Variants in PCDH15 observed in about 807,000 individuals in gnomAD.
PCDH15 encodes protocadherin-15.
In PCDH15, 129 loss-of-function variants were observed where a neutral mutation model predicts 178.5. The ratio of observed to expected loss-of-function variants is 0.72; its 90% CI spans 0.63 to 0.84. The LOEUF is 0.84. Ranked by LOEUF, PCDH15 falls within the 40% of genes least tolerant of loss-of-function variation. The pLI is 0.00. For synonymous variants in PCDH15, 800 were observed against 732.0 expected (o/e 1.09, Z -1.50); for missense variants, 2,230 against 2,099.9 (o/e 1.06, Z -1.21).
intron 2 of PCDH15, among the ~76,000 whole-genome samples, chr10:55,470,344 T>C (rs1361997704): frequency 1.3e-5 from 2 of 149,802 alleles, no homozygotes; most frequent in South Asian, 4.2e-4. Flanking sequence ...AGAATCCCTC[T>C]CAAAAAAGAA....
At chr10:55,084,786 AAAG>A (rs1362142697) in intron 2 of PCDH15, among the ~76,000 whole-genome samples, 1 of 152,122 alleles carries the variant, frequency 6.6e-6, no homozygotes, top group African/African-American at 2.4e-5. Context: ...ATATTTCTCA[AAAG>A]AAGACATACA....
At chr10:55,625,510 A>T (rs1221662504) in intron 2 of PCDH15, among the ~76,000 whole-genome samples, 1 of 152,158 alleles carries the variant, frequency 6.6e-6, no homozygotes, top group African/African-American at 2.4e-5. Context: ...CTCTTGAAAC[A>T]GTATCTTGTG....
intron 2 of PCDH15, chr10:54,528,517 T>G: frequency 1.4e-6 from 1 of 735,998 alleles, no homozygotes; most frequent in Non-Finnish European, 2.1e-6. Context: ...TAAAAAGCAT[T>G]ATACAATAAC....
At chr10:55,190,673 T>C (rs983408952) in intron 1 of PCDH15, among the ~76,000 whole-genome samples, 1 of 151,644 alleles carries the variant, frequency 6.6e-6, no homozygotes, top group Non-Finnish European at 1.5e-5. Flanking sequence ...CAACTGCACA[T>C]CAATAAAATA....
chr10:55,304,322 C>T (rs1843362971), intron 1 of PCDH15, among the ~76,000 whole-genome samples: 1 of 152,106 alleles, frequency 6.6e-6, no homozygotes, highest in Non-Finnish European at 1.5e-5. Flanking sequence ...TTATCACCTT[C>T]TCCAGAACAC....
chr10:53,994,242 CT>C, intron 21 of PCDH15, among the ~76,000 whole-genome samples: 1 of 152,298 alleles, frequency 6.6e-6, no homozygotes, highest in African/African-American at 2.4e-5. Context: ...ACTTTCAGGT[CT>C]GTCCCATGTA....
intron 2 of PCDH15, among the ~76,000 whole-genome samples, chr10:55,334,300 A>T: frequency 8.1e-6 from 1 of 123,020 alleles, no homozygotes; most frequent in African/African-American, 3.5e-5. Context: ...GTATATATCT[A>T]TATATATATA....
At chr10:54,375,880 A>AT (rs1948342499) in intron 4 of PCDH15, among the ~76,000 whole-genome samples, 19 of 129,600 alleles carry the variant, frequency 1.5e-4, no homozygotes, top group African/African-American at 5.8e-4. Flanking sequence ...TTTGAAACGG[A>AT]ATATATATAT....
intron 21 of PCDH15, among the ~76,000 whole-genome samples, chr10:53,977,496 G>A (rs2090282270): frequency 6.6e-6 from 1 of 152,168 alleles, no homozygotes; most frequent in Non-Finnish European, 1.5e-5. Flanking sequence ...TGTGTATCAT[G>A]AGCTGCCAAG....
intron 3 of PCDH15, among the ~76,000 whole-genome samples, chr10:54,523,927 G>T (rs1279861121): frequency 6.6e-6 from 1 of 152,150 alleles, no homozygotes; most frequent in Admixed American, 6.5e-5. Context: ...ACAGGGAATG[G>T]TAAAATCTAA....
chr10:54,378,735 A>C, intron 4 of PCDH15, 47 bp downstream of exon 4: 1 of 1,579,654 alleles, frequency 6.3e-7, no homozygotes, highest in Non-Finnish European at 8.7e-7. Flanking sequence ...AGACATTTAA[A>C]TTATAATAAA....
At chr10:54,555,126 C>G (rs1246296955) in intron 2 of PCDH15, among the ~76,000 whole-genome samples, 4 of 152,116 alleles carry the variant, frequency 2.6e-5, no homozygotes, top group Admixed American at 6.6e-5. Flanking sequence ...TCCCTGATGT[C>G]CCATTTCTCT....
chr10:54,161,274 T>C (rs12250464), intron 13 of PCDH15, among the ~76,000 whole-genome samples: 2,658 of 152,232 alleles, frequency 0.017, 88 homozygotes, highest in African/African-American at 0.061. Context: ...CATTATGCTA[T>C]TTAAAAAGCC....
intron 3 of PCDH15, among the ~76,000 whole-genome samples, chr10:54,483,886 A>T (rs558125479): frequency 8.6e-5 from 13 of 151,986 alleles, no homozygotes; most frequent in Non-Finnish European, 1.5e-4. Context: ...AAGGGTGATG[A>T]TGTTCAGATT....
At chr10:54,049,167 A>G (rs2093715234) in intron 18 of PCDH15, among the ~76,000 whole-genome samples, 1 of 152,094 alleles carries the variant, frequency 6.6e-6, no homozygotes, top group South Asian at 2.1e-4. Context: ...TTTGGCTCTC[A>G]GCTTGACTGT....
At chr10:55,463,941 GAA>G (rs1353920787) in intron 2 of PCDH15, among the ~76,000 whole-genome samples, 932 of 27,684 alleles carry the variant, frequency 0.034, 152 homozygotes, top group African/African-American at 0.22. Flanking sequence ...AAGAAAGAAA[GAA>G]AGAAAGAAAG....
chr10:54,162,669 T>A (rs1023844310), intron 13 of PCDH15, among the ~76,000 whole-genome samples: 2 of 152,138 alleles, frequency 1.3e-5, no homozygotes, highest in African/African-American at 4.8e-5. Context: ...AAGATATACT[T>A]GAGAACTCTA....
intron 2 of PCDH15, among the ~76,000 whole-genome samples, chr10:55,114,510 A>G (rs562237024): frequency 3.2e-4 from 49 of 152,362 alleles, no homozygotes; most frequent in Non-Finnish European, 6.8e-4. Context: ...AGCTAAGCAC[A>G]CAGCTATCTA....
At chr10:55,081,457 G>C (rs1327648755) in intron 2 of PCDH15, among the ~76,000 whole-genome samples, 1 of 152,090 alleles carries the variant, frequency 6.6e-6, no homozygotes, top group Non-Finnish European at 1.5e-5. Flanking sequence ...AGGATTTCAA[G>C]ATATAAACTT....
Sources: gnomAD v4.1 joint callset for allele counts (sites outside exome capture counted in the v4.1 genomes callset) on GRCh38, gnomAD v4.1.1 for gene constraint, MANE v1.5 for transcripts, NCBI Gene and HGNC (gene_info 2026-07-23, HGNC 2026-07-21) for gene names.